The following FAM3B variants were observed in gnomAD, a reference collection of about 807,000 sequenced individuals.
FAM3B encodes the protein FAM3 metabolism regulating signaling molecule B, also known as protein FAM3B.
In FAM3B, 29 loss-of-function variants were observed where a neutral mutation model predicts 28.4. That is an observed-to-expected ratio of 1.02 (90% CI 0.76 to 1.39). FAM3B has a LOEUF of 1.39. Ranked by LOEUF, FAM3B falls within the 40% of genes most tolerant of loss-of-function variation. FAM3B has a pLI of 0.00. For missense variants in FAM3B, 266 were observed against 293.9 expected (o/e 0.91, Z 0.69); for synonymous variants, 91 against 103.0 (o/e 0.88, Z 0.71).
chr21:41,329,370 C>T (rs1342176497), intron 2 of FAM3B, among the ~76,000 whole-genome samples: 1 of 152,162 alleles, frequency 6.6e-6, no homozygotes, highest in East Asian at 1.9e-4. Flanking sequence ...CGTGAATCCT[C>T]CCTTTGTCCA....
chr21:41,353,896 A>AT (rs2089142538), intron 7 of FAM3B, among the ~76,000 whole-genome samples: 1 of 152,248 alleles, frequency 6.6e-6, no homozygotes, highest in African/African-American at 2.4e-5. Flanking sequence ...CAAAGTACGC[A>AT]TCTAACAAAA....
At chr21:41,348,012 T>G (rs144170211) in intron 6 of FAM3B, among the ~76,000 whole-genome samples, 1 of 152,334 alleles carries the variant, frequency 6.6e-6, no homozygotes, top group Non-Finnish European at 1.5e-5. Context: ...AAACTGAAGT[T>G]CCTTGGCACA....
chr21:41,327,494 G>A (rs554148735), intron 2 of FAM3B, among the ~76,000 whole-genome samples: 97 of 152,318 alleles, frequency 6.4e-4, no homozygotes, highest in African/African-American at 2.3e-3. Flanking sequence ...AAGAGACCCT[G>A]CCTTATTCAC....
At chr21:41,344,437 C>A in intron 3 of FAM3B, 39 bp from the exon 4 acceptor site, 3 of 1,592,166 alleles carry the variant, frequency 1.9e-6, no homozygotes, top group Admixed American at 1.7e-5. Flanking sequence ...GAGAGTCGCA[C>A]GCCTCTTGGT....
At chr21:41,340,832 C>A (rs1003735804) in intron 3 of FAM3B, among the ~76,000 whole-genome samples, 2 of 152,030 alleles carry the variant, frequency 1.3e-5, no homozygotes, top group Non-Finnish European at 2.9e-5. Flanking sequence ...TTTCTCCCCA[C>A]CTCTTGTTCC....
chr21:41,341,401 C>T (rs1909972154), intron 3 of FAM3B, among the ~76,000 whole-genome samples: 1 of 152,244 alleles, frequency 6.6e-6, no homozygotes, highest in South Asian at 2.1e-4. Context: ...CTATCACTAG[C>T]ACCCCATAAG....
chr21:41,333,380 A>G (rs1321588634), intron 2 of FAM3B, among the ~76,000 whole-genome samples: 1 of 152,132 alleles, frequency 6.6e-6, no homozygotes, highest in Non-Finnish European at 1.5e-5. Flanking sequence ...ATGGTTTAGC[A>G]CCATCTTCTT....
chr21:41,339,176 C>T (rs2088982245), intron 3 of FAM3B, among the ~76,000 whole-genome samples: 2 of 152,160 alleles, frequency 1.3e-5, no homozygotes, highest in South Asian at 2.1e-4. Flanking sequence ...CCAACAAAGT[C>T]GTCCTGGCCT....
At chr21:41,348,469 CAGG>C (rs1236620737) in intron 6 of FAM3B, 120 bp from the exon 7 acceptor site, 17 of 1,057,688 alleles carry the variant, frequency 1.6e-5, no homozygotes, top group Non-Finnish European at 2.4e-5. Context: ...TGCACTGCAG[CAGG>C]AGATGAATGT....
At chr21:41,304,626 C>G (rs1390585986) in intron 1 of FAM3B, among the ~76,000 whole-genome samples, 1 of 152,222 alleles carries the variant, frequency 6.6e-6, no homozygotes, top group African/African-American at 2.4e-5. Context: ...CTGGCTTGCC[C>G]CGGCCTGCAG....
intron 7 of FAM3B, among the ~76,000 whole-genome samples, chr21:41,352,357 C>G (rs924057547): frequency 6.6e-6 from 1 of 152,100 alleles, no homozygotes; most frequent in Non-Finnish European, 1.5e-5. Context: ...TTCTGAGAAG[C>G]CTCTCTGGCC....
chr21:41,339,712 T>C (rs2088986852), intron 3 of FAM3B, among the ~76,000 whole-genome samples: 1 of 152,200 alleles, frequency 6.6e-6, no homozygotes, highest in East Asian at 1.9e-4. Context: ...AAAAATGTTG[T>C]TTGCAGTTCC....
intron 2 of FAM3B, among the ~76,000 whole-genome samples, chr21:41,334,055 A>G (rs571558982): frequency 2.0e-5 from 3 of 152,354 alleles, no homozygotes; most frequent in South Asian, 4.1e-4. Flanking sequence ...ATTTCTAAGC[A>G]GCAAAGCATT....
At chr21:41,327,951 G>A (rs765561377) in intron 2 of FAM3B, among the ~76,000 whole-genome samples, 8 of 152,206 alleles carry the variant, frequency 5.3e-5, no homozygotes, top group African/African-American at 1.4e-4. Flanking sequence ...ATAGAGGCGC[G>A]AGTCCTCTTC....
At chr21:41,311,596 T>C (rs2088714492) in intron 1 of FAM3B, among the ~76,000 whole-genome samples, 1 of 152,034 alleles carries the variant, frequency 6.6e-6, no homozygotes, top group African/African-American at 2.4e-5. Flanking sequence ...ACAAAATATC[T>C]AGTGAGAAGA....
chr21:41,305,332 C>G lies in FAM3B; in HGVS notation n.99+1022C>G, dbSNP rs1002937952. On this transcript the variant is annotated intron_variant and non_coding_transcript_variant, in intron 1 of 9. Transcript: ENST00000479810. The stretch of plus-strand genomic sequence containing the variant: ...GTAAAGGGTAAGGAGCAGTCCCATG[C>G]CAGCCCAAACTACCAACACGTGGCC... Among the ~76,000 whole-genome samples, 5 of 152,260 alleles carry G rather than the reference C, an allele frequency of 3.3e-5. No individual in the cohort carries two copies. The East Asian group carries it at 9.6e-4, about 29-fold the overall frequency.
At chr21:41,340,961 G>T (rs909473360) in intron 3 of FAM3B, among the ~76,000 whole-genome samples, 13 of 151,736 alleles carry the variant, frequency 8.6e-5, no homozygotes, top group Admixed American at 2.0e-4. Context: ...TTTATATACA[G>T]GTATATATAT....
chr21:41,321,643 CA>C (rs1293325860), intron 1 of FAM3B, among the ~76,000 whole-genome samples: 2 of 152,180 alleles, frequency 1.3e-5, no homozygotes, highest in Non-Finnish European at 2.9e-5. Flanking sequence ...CTCAAAAAAG[CA>C]AAACAAAACC....
intron 2 of FAM3B, among the ~76,000 whole-genome samples, chr21:41,329,737 T>G (rs1269805055): frequency 6.6e-6 from 1 of 152,060 alleles, no homozygotes; most frequent in East Asian, 1.9e-4. Context: ...ACCTGGCTAA[T>G]TTTTGTATTT....
Sources: gnomAD v4.1 joint callset for allele counts (sites outside exome capture counted in the v4.1 genomes callset) on GRCh38, gnomAD v4.1.1 for gene constraint, MANE v1.5 for transcripts, NCBI Gene and HGNC (gene_info 2026-07-23, HGNC 2026-07-21) for gene names.